Variants in PRKAA1 observed in about 807,000 individuals in gnomAD.
PRKAA1 encodes the protein 5'-AMP-activated protein kinase catalytic subunit alpha-1.
Under a neutral mutation model 56.9 loss-of-function variants are expected in PRKAA1, and 23 were observed. The ratio of observed to expected loss-of-function variants is 0.40; its 90% CI spans 0.29 to 0.57. The LOEUF (loss-of-function observed/expected upper bound fraction) is 0.57, where lower values mean the gene tolerates loss of function less well. PRKAA1 is among the 20% of genes least tolerant of loss of function. The probability of loss-of-function intolerance (pLI) is 0.39; values close to 1 mark genes in which losing one functional copy is unlikely to be tolerated. For missense variants in PRKAA1, 413 were observed against 679.7 expected, an observed-to-expected ratio of 0.61 and a Z score of 4.36; for synonymous variants, 226 against 227.0, an observed-to-expected ratio of 1.00 and a Z score of 0.04.
At chr5:40,777,309 A>G in intron 2 of PRKAA1, 136 bp downstream of exon 2, 4 of 982,892 alleles carry the variant, frequency 4.1e-6, no homozygotes, top group Non-Finnish European at 5.9e-6. Flanking sequence ...CACCGCACAC[A>G]GCCTAGGAAG....
chr5:40,772,861 T>A (rs111615119), intron 3 of PRKAA1, among the ~76,000 whole-genome samples: 1 of 152,328 alleles, frequency 6.6e-6, no homozygotes, highest in East Asian at 1.9e-4. Context: ...CTCGAACTCC[T>A]GAGCTCAGGC....
At position 40,768,387 on chromosome 5, in the gene PRKAA1, C is replaced by T. The variant is rs1200740583; in HGVS notation, c.597-697G>A. 1.2e-5 allele frequency: 11 copies of T among 898,906 alleles called. No individual in the cohort carries two copies. The Admixed American group carries it at 3.1e-4, about 25-fold the overall frequency. 55.7% of individuals were successfully genotyped at this position (898,906 alleles called of 1,614,324 possible). On this transcript the variant is annotated intron_variant, in intron 5 of 8. Transcript: ENST00000397128. The stretch of plus-strand genomic sequence containing the variant: ...AGTAATAGCCCATTGCATATATGCA[C>T]AGTTATAACATTTCTTTTTATTTAT...
At chr5:40,784,530 A>G (rs1744391331) in intron 1 of PRKAA1, among the ~76,000 whole-genome samples, 1 of 152,204 alleles carries the variant, frequency 6.6e-6, no homozygotes, top group African/African-American at 2.4e-5. Flanking sequence ...CTACAGGAAC[A>G]CTTGTTTGGT....
At chr5:40,785,506 G>A (rs1443795266) in intron 1 of PRKAA1, among the ~76,000 whole-genome samples, 1 of 152,024 alleles carries the variant, frequency 6.6e-6, no homozygotes, top group Admixed American at 6.6e-5. Flanking sequence ...CTCCCAAAGT[G>A]CTGGGATTAC....
At chr5:40,797,482 G>A (rs1744977041) in intron 1 of PRKAA1, among the ~76,000 whole-genome samples, 1 of 152,168 alleles carries the variant, frequency 6.6e-6, no homozygotes, top group African/African-American at 2.4e-5. Flanking sequence ...GGAAACCAGT[G>A]ATCCTTTCCG....
In PRKAA1 at chr5:40,767,663, T is replaced by C; in HGVS notation, c.624A>G (p.Ile208Met). 6.2e-7 allele frequency: 1 copy of C among 1,612,394 alleles called. No homozygotes were observed. Among genetic ancestry groups the C allele is most frequent in the Non-Finnish European group, 8.5e-7 (1 of 1,178,544 alleles). ...CATAGAGAATAACCCCACTGCTCCA[T>C]ATATCTACCTCTGGGCCTGCATACA... The part of the protein sequence containing the change: ...GRLYAGPEVD[I>M]WSSGVILYAL... Residue 208 changes from isoleucine to methionine, a missense_variant, in exon 6 of 9, where the codon ATA (isoleucine) becomes ATG (methionine). Physicochemically the swap from Ile to Met is conservative, Grantham distance 10 (BLOSUM62 1). This residue lies in a region of PRKAA1 where 113 missense variants were observed against 198.6 expected (regional missense o/e 0.57). Coordinates refer to ENST00000397128, the MANE Select transcript of PRKAA1 (RefSeq NM_006251.6).
chr5:40,794,059 G>A (rs1003616086), intron 1 of PRKAA1, among the ~76,000 whole-genome samples: 3 of 150,886 alleles, frequency 2.0e-5, no homozygotes, highest in South Asian at 4.2e-4. Context: ...CTGAGATTGC[G>A]CCAATGCACT....
At chr5:40,769,206 T>C (rs1397869120) in intron 5 of PRKAA1, among the ~76,000 whole-genome samples, 5 of 152,188 alleles carry the variant, frequency 3.3e-5, no homozygotes, top group African/African-American at 1.2e-4. Context: ...TTCTTCCACC[T>C]GGGAAAAAAA....
chr5:40,780,258 T>C (rs1744212137), intron 1 of PRKAA1, among the ~76,000 whole-genome samples: 1 of 152,168 alleles, frequency 6.6e-6, no homozygotes, highest in South Asian at 2.1e-4. Context: ...ACTTTTCTCT[T>C]TCAGCATTAA....
At position 40,798,135 on chromosome 5, in the gene PRKAA1, C is replaced by T; in HGVS notation, c.55G>A (p.Asp19Asn). 1 of 1,594,974 alleles carries T rather than the reference C, an allele frequency of 6.3e-7. No individual in the cohort carries two copies. The highest frequency in any genetic ancestry group is 8.6e-7 in the Non-Finnish European group (1 of 1,168,504). ...KMATAEKQKH[D>N]GRVKIGHYIL... ...TAGTGGCCGATCTTCACCCGCCCGT[C>T]GTGTTTCTGCTTCTCGGCTGTCGCC... The change falls in exon 1 of 9, where the codon GAC becomes AAC. Residue 19 changes from aspartate (D) to asparagine (N), a missense_variant. Coordinates refer to ENST00000397128, the MANE Select transcript of PRKAA1 (RefSeq NM_006251.6).
rs1743115430 is a variant in PRKAA1 at position 40,760,139 on chromosome 5, C to T, written c.*2639G>A. 1 of 152,654 alleles carries T rather than the reference C, an allele frequency of 6.6e-6. No individual in the cohort carries two copies. The highest frequency in any genetic ancestry group is 6.6e-5 in the Admixed American group (1 of 15,266). 9.5% of individuals were successfully genotyped at this position (152,654 alleles called of 1,614,324 possible). A position where few individuals can be genotyped will look rare whatever the true frequency, so the allele number is the denominator to read the frequency against. On this transcript the variant is annotated 3_prime_UTR_variant, in exon 9 of 9. Coordinates refer to ENST00000397128, the MANE Select transcript of PRKAA1 (RefSeq NM_006251.6). The stretch of plus-strand genomic sequence containing the variant: ...AAATCATTTGCATTGCCTCCCTTAC[C>T]TCTTCAATATTAGTAACAATTTGCA...
At chr5:40,791,698 G>A (rs1744724195) in intron 1 of PRKAA1, among the ~76,000 whole-genome samples, 1 of 152,168 alleles carries the variant, frequency 6.6e-6, no homozygotes, top group Non-Finnish European at 1.5e-5. Flanking sequence ...GGAAGGGTGG[G>A]CTTTAAAAGC....
At chr5:40,778,889 G>A (rs945902702) in intron 1 of PRKAA1, among the ~76,000 whole-genome samples, 3 of 147,846 alleles carry the variant, frequency 2.0e-5, no homozygotes, top group African/African-American at 7.5e-5. Flanking sequence ...CCAGGCTCAG[G>A]TGATCAGGTG....
At position 40,763,659 on chromosome 5, in the gene PRKAA1, G is replaced by C. The variant is rs190133671; in HGVS notation, c.1436-637C>G. ...ATGGGCATTCAATTGGTATACCCCAGTACTAGTAAATCTAAGGTTGCAAAT... is the reference window on the plus strand; with the variant it reads ...ATGGGCATTCAATTGGTATACCCCACTACTAGTAAATCTAAGGTTGCAAAT... On this transcript the variant is annotated intron_variant, in intron 8 of 8. Transcript: ENST00000397128. 4.2e-3 allele frequency among the ~76,000 whole-genome samples: 638 copies of C among 152,282 alleles called. 4 individuals are homozygous for C. Among genetic ancestry groups the C allele is most frequent in the African/African-American group, 0.015 (612 of 41,560 alleles).
intron 6 of PRKAA1, among the ~76,000 whole-genome samples, chr5:40,765,673 A>G (rs1743395108): frequency 6.6e-6 from 1 of 152,188 alleles, no homozygotes; most frequent in Admixed American, 6.5e-5. Flanking sequence ...TAAACACTTC[A>G]TATACACTAT....
chr5:40,795,439 C>T (rs900163155), intron 1 of PRKAA1, among the ~76,000 whole-genome samples: 1 of 152,000 alleles, frequency 6.6e-6, no homozygotes, highest in African/African-American at 2.4e-5. Flanking sequence ...TCCCACCCAC[C>T]CACCTCTGTT....
At chr5:40,772,155 A>C (rs1579724876) in intron 3 of PRKAA1, among the ~76,000 whole-genome samples, 1 of 152,322 alleles carries the variant, frequency 6.6e-6, no homozygotes, top group African/African-American at 2.4e-5. Context: ...AATAATTTCA[A>C]TATCTACTTG....
chr5:40,774,979 C>T, intron 3 of PRKAA1: 1 of 1,593,558 alleles, frequency 6.3e-7, no homozygotes, highest in Non-Finnish European at 8.6e-7. Flanking sequence ...ATTTCTGAAA[C>T]CAAAAAATGA....
At chr5:40,763,132 G>C in intron 8 of PRKAA1, 110 bp from the exon 9 acceptor site, 1 of 1,049,426 alleles carries the variant, frequency 9.5e-7, no homozygotes, top group South Asian at 1.5e-5. Context: ...GCTATCAAGA[G>C]CACGCTTATT....
Sources: gnomAD v4.1 joint callset for allele counts (sites outside exome capture counted in the v4.1 genomes callset) on GRCh38, gnomAD v4.1.1 for gene constraint, gnomAD v4.1.1 regional missense constraint, MANE v1.5 for transcripts, NCBI Gene and HGNC (gene_info 2026-07-23, HGNC 2026-07-21) for gene names.